RBFOX1: variants seen among roughly 807,000 people sequenced by gnomAD.
The protein encoded by RBFOX1 is RNA binding protein fox-1 homolog 1.
Under a neutral mutation model 57.7 loss-of-function variants are expected in RBFOX1, and 8 were observed. The observed-to-expected ratio is 0.14, with a 90% CI of 0.08 to 0.25. RBFOX1 has a LOEUF of 0.25. Ranked by LOEUF, RBFOX1 falls within the 10% of genes least tolerant of loss-of-function variation. The pLI is 1.00. For missense variants in RBFOX1, 611 were observed against 548.5 expected, an observed-to-expected ratio of 1.11 and a Z score of -1.14; for synonymous variants, 326 against 222.4, an observed-to-expected ratio of 1.47 and a Z score of -4.15.
chr16:5,607,352 C>A (rs902215446), intron 3 of RBFOX1, among the ~76,000 whole-genome samples: 5 of 152,194 alleles, frequency 3.3e-5, no homozygotes, highest in African/African-American at 1.2e-4. Context: ...GGAAGTTGGA[C>A]TTGCTGGGAC....
upstream of RBFOX1, among the ~76,000 whole-genome samples, chr16:6,017,926 A>G (rs556979856): frequency 2.6e-5 from 4 of 152,304 alleles, no homozygotes; most frequent in South Asian, 8.3e-4. Flanking sequence ...ACATCACAGG[A>G]TGGGAAAATG....
At position 6,593,815 on chromosome 16, in the gene RBFOX1, A is replaced by T. The variant is rs1231470554; in HGVS notation, c.-63-60788A>T. Reference sequence around the variant, plus strand: ...ATTAGCATATGTCAGATTTTCAATGAGGACTACGGATATGGCAATATTGGG... The same window carrying T: ...ATTAGCATATGTCAGATTTTCAATGTGGACTACGGATATGGCAATATTGGG... On this transcript the variant is annotated intron_variant, in intron 2 of 15. Transcript: ENST00000550418. 2.0e-5 allele frequency among the ~76,000 whole-genome samples: 3 copies of T among 152,350 alleles called. No individual in the cohort carries two copies. In the East Asian group the frequency reaches 5.8e-4, roughly 29 times the overall value.
intron 4 of RBFOX1, among the ~76,000 whole-genome samples, chr16:7,076,650 A>G (rs1213692577): frequency 6.6e-6 from 1 of 152,232 alleles, no homozygotes; most frequent in African/African-American, 2.4e-5. Context: ...CCAATAATAT[A>G]CCATCATACT....
chr16:5,765,055 C>T (rs2053728800), intron 3 of RBFOX1, among the ~76,000 whole-genome samples: 1 of 152,186 alleles, frequency 6.6e-6, no homozygotes, highest in African/African-American at 2.4e-5. Context: ...CATCAAATGT[C>T]ACCAGTACCT....
chr16:5,956,135 G>T (rs1463151644), intron 4 of RBFOX1, among the ~76,000 whole-genome samples: 1 of 152,032 alleles, frequency 6.6e-6, no homozygotes, highest in Non-Finnish European at 1.5e-5. Context: ...AATTAGCCAG[G>T]TGTGGTGGCG....
intron 1 of RBFOX1, among the ~76,000 whole-genome samples, chr16:5,452,806 G>C (rs1455854111): frequency 2.0e-5 from 3 of 151,980 alleles, no homozygotes; most frequent in Non-Finnish European, 4.4e-5. Flanking sequence ...ACCACACCTG[G>C]CTAATTTTTG....
chr16:5,304,141 G>C (rs544934335), intron 1 of RBFOX1, among the ~76,000 whole-genome samples: 1 of 152,248 alleles, frequency 6.6e-6, no homozygotes, highest in East Asian at 1.9e-4. Context: ...TCATATATCA[G>C]CCCTTAGGCT....
chr16:7,113,469 G>A (rs367868607), intron 4 of RBFOX1, among the ~76,000 whole-genome samples: 3 of 151,920 alleles, frequency 2.0e-5, no homozygotes, highest in Non-Finnish European at 1.5e-5. Flanking sequence ...CTTCCCTTTC[G>A]ATCTTGTTAT....
At chr16:7,344,077 G>C (rs1055967736) in intron 4 of RBFOX1, among the ~76,000 whole-genome samples, 7 of 148,142 alleles carry the variant, frequency 4.7e-5, no homozygotes, top group African/African-American at 1.8e-4. Context: ...GAGCCAGACT[G>C]CCTGGGTTAG....
chr16:5,678,636 C>T (rs543428204), intron 3 of RBFOX1, among the ~76,000 whole-genome samples: 2 of 152,200 alleles, frequency 1.3e-5, no homozygotes, highest in Non-Finnish European at 2.9e-5. Context: ...ATCTATTATG[C>T]GGCGTAGGCA....
At chr16:7,242,926 G>T (rs1409617490) in intron 4 of RBFOX1, among the ~76,000 whole-genome samples, 1 of 152,170 alleles carries the variant, frequency 6.6e-6, no homozygotes. Context: ...ATATGGGGCT[G>T]TGTCGGCCTT....
chr16:5,271,363 A>G (rs2063001355), intron 1 of RBFOX1, among the ~76,000 whole-genome samples: 1 of 152,178 alleles, frequency 6.6e-6, no homozygotes, highest in Non-Finnish European at 1.5e-5. Flanking sequence ...TCTCTTATGC[A>G]TACATACATA....
chr16:5,709,349 A>G (rs2051367820), intron 3 of RBFOX1, among the ~76,000 whole-genome samples: 1 of 152,142 alleles, frequency 6.6e-6, no homozygotes, highest in African/African-American at 2.4e-5. Context: ...CTGTTCTTTG[A>G]TCAGTGAGCA....
At chr16:5,296,219 G>A (rs1215675877) in intron 1 of RBFOX1, among the ~76,000 whole-genome samples, 1 of 152,214 alleles carries the variant, frequency 6.6e-6, no homozygotes, top group Non-Finnish European at 1.5e-5. Flanking sequence ...CAGACTCGGT[G>A]TAGCATTTTA....
At chr16:6,540,551 G>C (rs1270591631) in intron 2 of RBFOX1, among the ~76,000 whole-genome samples, 2 of 141,208 alleles carry the variant, frequency 1.4e-5, no homozygotes, top group Non-Finnish European at 3.0e-5. Flanking sequence ...GGCCGAGGTT[G>C]CAGTGAGCCG....
At chr16:6,148,094 CGAGGCGGG>C (rs1316134394) in intron 1 of RBFOX1, among the ~76,000 whole-genome samples, 19 of 152,170 alleles carry the variant, frequency 1.2e-4, no homozygotes, top group Non-Finnish European at 2.1e-4. Context: ...TTCGGGAGGC[CGAGGCGGG>C]TGGATCACCT....
At chr16:5,989,843 A>AATACACACACACACACACAC (rs2060356514) in intron 4 of RBFOX1, among the ~76,000 whole-genome samples, 4 of 20,718 alleles carry the variant, frequency 1.9e-4, no homozygotes, top group African/African-American at 8.8e-4. Flanking sequence ...AACACCCCCT[A>AATACACACACACACACACAC]ACACACACAC....
intron 4 of RBFOX1, among the ~76,000 whole-genome samples, chr16:5,957,426 G>T (rs1056099782): frequency 1.3e-5 from 2 of 152,050 alleles, no homozygotes; most frequent in African/African-American, 2.4e-5. Flanking sequence ...TGTTGGTCAT[G>T]AACCCCTCAC....
rs556018220 is a variant in RBFOX1, at chr16:6,693,052, C to T, written c.-16+38402C>T. ...CATCCCCATCCACTACCATCACCAC[C>T]ATCATTATCACCATCATCCTCCTCT... On this transcript the variant is annotated intron_variant, in intron 3 of 15. Coordinates refer to ENST00000550418, the MANE Select transcript of RBFOX1 (RefSeq NM_018723.4). Among the ~76,000 whole-genome samples the T allele has an allele frequency of 5.0e-3, 760 of 151,520 alleles. 7 individuals are homozygous for T. Among genetic ancestry groups the T allele is most frequent in the African/African-American group, 0.017 (720 of 41,382 alleles).
Sources: allele counts gnomAD v4.1 joint callset (sites outside exome capture counted in the v4.1 genomes callset), GRCh38; gene constraint gnomAD v4.1.1; transcripts MANE v1.5; gene names NCBI Gene and HGNC (gene_info 2026-07-23, HGNC 2026-07-21).